SCHIP1: variants seen among roughly 807,000 people sequenced by gnomAD.
SCHIP1 encodes schwannomin interacting protein 1.
A neutral mutation model predicts 29.7 loss-of-function variants in SCHIP1; 8 were observed. The ratio of observed to expected loss-of-function variants is 0.27; its 90% CI spans 0.16 to 0.49. SCHIP1 has a LOEUF of 0.49. Ranked by LOEUF, SCHIP1 falls within the 20% of genes least tolerant of loss-of-function variation. The pLI is 0.99. For synonymous variants in SCHIP1, 76 were observed against 94.9 expected (o/e 0.80, Z 1.16); for missense variants, 193 against 294.6 (o/e 0.66, Z 2.52).
At chr3:159,645,336 T>C in the SCHIP1 span, among the ~76,000 whole-genome samples, 1 of 152,088 alleles carries the variant, frequency 6.6e-6, no homozygotes, top group Non-Finnish European at 1.5e-5. Flanking sequence ...TCCAAGCTCC[T>C]TGGGGAGCCA....
chr3:159,314,541 A>G, the SCHIP1 span, among the ~76,000 whole-genome samples: 2 of 152,172 alleles, frequency 1.3e-5, no homozygotes, highest in Non-Finnish European at 2.9e-5. Context: ...ATAGGGGAAA[A>G]TAAGTAAAAG....
chr3:159,842,562 C>A (rs2109028362), intron 1 of SCHIP1, among the ~76,000 whole-genome samples: 1 of 152,188 alleles, frequency 6.6e-6, no homozygotes, highest in Middle Eastern at 3.4e-3. Flanking sequence ...AGTAAAAATC[C>A]AAGTCCTAAC....
the SCHIP1 span, among the ~76,000 whole-genome samples, chr3:159,518,675 TATA>T: frequency 6.6e-6 from 1 of 152,118 alleles, no homozygotes; most frequent in South Asian, 2.1e-4. Context: ...CCTAGAGAGA[TATA>T]ATCTCTAGAA....
the SCHIP1 span, among the ~76,000 whole-genome samples, chr3:159,473,607 T>C: frequency 6.7e-6 from 1 of 150,290 alleles, no homozygotes; most frequent in Non-Finnish European, 1.5e-5. Context: ...TAAAACCTAT[T>C]TTTATTGAAT....
the SCHIP1 span, among the ~76,000 whole-genome samples, chr3:159,671,571 A>C: frequency 3.3e-5 from 5 of 152,198 alleles, no homozygotes; most frequent in Non-Finnish European, 7.3e-5. Context: ...AGTCTTCTCT[A>C]TGTGAACCAT....
chr3:159,396,289 G>A, the SCHIP1 span, among the ~76,000 whole-genome samples: 93,839 of 150,164 alleles, frequency 0.62, 30,104 homozygotes, highest in East Asian at 0.75. Flanking sequence ...GCCAGTCTGC[G>A]TCTTTTAATT....
the SCHIP1 span, among the ~76,000 whole-genome samples, chr3:159,500,372 A>G: frequency 6.6e-6 from 1 of 152,130 alleles, no homozygotes; most frequent in African/African-American, 2.4e-5. Context: ...CTGTATCACA[A>G]CTTTCTTGTT....
the SCHIP1 span, among the ~76,000 whole-genome samples, chr3:159,677,283 G>A: frequency 6.6e-6 from 1 of 152,224 alleles, no homozygotes. Context: ...TGTGCCACTA[G>A]TATGCACACT....
the SCHIP1 span, among the ~76,000 whole-genome samples, chr3:159,572,591 CTG>C: frequency 3.9e-5 from 6 of 152,268 alleles, no homozygotes; most frequent in South Asian, 1.2e-3. Context: ...AATGTATATT[CTG>C]TTTATTTGGG....
chr3:159,803,774 C>A, the SCHIP1 span, among the ~76,000 whole-genome samples: 13 of 152,344 alleles, frequency 8.5e-5, no homozygotes, highest in Admixed American at 2.6e-4. Context: ...TCTTCTGTCA[C>A]AGCGTTCCTT....
At chr3:159,539,595 T>G in the SCHIP1 span, among the ~76,000 whole-genome samples, 1 of 135,404 alleles carries the variant, frequency 7.4e-6, no homozygotes, top group Non-Finnish European at 1.7e-5. Context: ...TCCTTGAGGC[T>G]AGATATACAG....
the SCHIP1 span, among the ~76,000 whole-genome samples, chr3:159,294,266 A>G: frequency 1.3e-5 from 2 of 152,214 alleles, no homozygotes; most frequent in African/African-American, 4.8e-5. Flanking sequence ...GATTATTTTC[A>G]TCTTACTATT....
At chr3:159,332,293 G>A in the SCHIP1 span, among the ~76,000 whole-genome samples, 2 of 152,228 alleles carry the variant, frequency 1.3e-5, no homozygotes, top group Non-Finnish European at 2.9e-5. Flanking sequence ...GTCCTATAAG[G>A]TAGGTATTAC....
chr3:159,693,599 G>A, the SCHIP1 span, among the ~76,000 whole-genome samples: 1 of 152,254 alleles, frequency 6.6e-6, no homozygotes, highest in South Asian at 2.1e-4. Flanking sequence ...ACTGGAGAAA[G>A]CATTAAGAAA....
At chr3:159,476,546 T>G in the SCHIP1 span, among the ~76,000 whole-genome samples, 1 of 152,204 alleles carries the variant, frequency 6.6e-6, no homozygotes, top group African/African-American at 2.4e-5. Flanking sequence ...TTATTTAAGC[T>G]ATCAGTGTGC....
At chr3:159,885,937 A>G (rs993773738) in intron 2 of SCHIP1, among the ~76,000 whole-genome samples, 53 of 152,182 alleles carry the variant, frequency 3.5e-4, no homozygotes, top group Non-Finnish European at 1.0e-4. Flanking sequence ...TTGTGCACCA[A>G]CTATCTGTTT....
At chr3:159,557,653 A>G in the SCHIP1 span, among the ~76,000 whole-genome samples, 2 of 152,204 alleles carry the variant, frequency 1.3e-5, no homozygotes, top group Admixed American at 1.3e-4. Flanking sequence ...CTATCTTTAA[A>G]AAGTTTTCTT....
At chr3:159,460,223 G>A in the SCHIP1 span, among the ~76,000 whole-genome samples, 12 of 152,310 alleles carry the variant, frequency 7.9e-5, no homozygotes, top group Middle Eastern at 3.4e-3. Flanking sequence ...GCCTTTGTCT[G>A]AACAGTTGCT....
chr3:159,514,929 A>T, the SCHIP1 span, among the ~76,000 whole-genome samples: 3 of 152,080 alleles, frequency 2.0e-5, no homozygotes, highest in Non-Finnish European at 4.4e-5. Context: ...TTAACCTTTC[A>T]TTGCTTAGGC....
Sources: allele counts gnomAD v4.1 joint callset (sites outside exome capture counted in the v4.1 genomes callset), GRCh38; gene constraint gnomAD v4.1.1; transcripts MANE v1.5; gene names NCBI Gene and HGNC (gene_info 2026-07-23, HGNC 2026-07-21).